Variants in LGR6 observed in about 807,000 individuals in gnomAD.
The protein encoded by LGR6 is leucine rich repeat containing G protein-coupled receptor 6.
Under a neutral mutation model 69.4 loss-of-function variants are expected in LGR6, and 45 were observed. The observed-to-expected ratio is 0.65, with a 90% CI of 0.51 to 0.83. The LOEUF is 0.83. Among genes scored for constraint, LGR6 ranks in the 40% least tolerant of loss-of-function variants. The probability of loss-of-function intolerance (pLI) is 0.00; values close to 1 mark genes in which losing one functional copy is unlikely to be tolerated. For missense variants in LGR6, 1,108 were observed against 1,246.7 expected (o/e 0.89, Z 1.68); for synonymous variants, 538 against 555.0 (o/e 0.97, Z 0.43).
chr1:202,215,005 G>GTC (rs1659671642), intron 1 of LGR6, among the ~76,000 whole-genome samples: 1 of 149,388 alleles, frequency 6.7e-6, no homozygotes, highest in African/African-American at 2.5e-5. Context: ...GTGTGTGTGT[G>GTC]TGTGTGTGTG....
At chr1:202,283,831 G>A (rs1224644151) in intron 6 of LGR6, among the ~76,000 whole-genome samples, 1 of 152,158 alleles carries the variant, frequency 6.6e-6, no homozygotes, top group African/African-American at 2.4e-5. Context: ...AAATGCACCT[G>A]CAGCAACACA....
intron 1 of LGR6, among the ~76,000 whole-genome samples, chr1:202,215,405 G>A (rs897593714): frequency 9.9e-5 from 15 of 152,154 alleles, no homozygotes; most frequent in Admixed American, 9.8e-4. Flanking sequence ...GGAGAGGTCT[G>A]ATCTAATAGG....
chr1:202,293,515 A>T (rs536358640), intron 6 of LGR6, among the ~76,000 whole-genome samples: 3 of 150,946 alleles, frequency 2.0e-5, no homozygotes, highest in African/African-American at 7.3e-5. Context: ...TTTTTTTTTT[A>T]AACCCATCTC....
In LGR6 at chr1:202,318,850, G is replaced by A; in HGVS notation, c.2547G>A (p.Gly849=). 1.2e-6 allele frequency: 2 copies of A among 1,613,460 alleles called. No homozygotes were observed. Among genetic ancestry groups the A allele is most frequent in the African/African-American group, 2.7e-5 (2 of 75,064 alleles). The change falls in exon 18 of 18, where the codon GGG becomes GGA. Residue 849 remains glycine (G), a synonymous_variant. Transcript: ENST00000367278. ...RRLRPRAGDS[G]PLAYAAAGEL... ...TTCGGCCCCGCGCAGGGGACTCAGG[G>A]CCCCTAGCCTATGCTGCGGCCGGGG... is the stretch of plus-strand genomic sequence containing the variant.
chr1:202,245,799 A>G (rs1662612575), intron 4 of LGR6, among the ~76,000 whole-genome samples: 1 of 151,996 alleles, frequency 6.6e-6, no homozygotes, highest in Non-Finnish European at 1.5e-5. Flanking sequence ...TTCCTCTTGT[A>G]TTATTGCCCC....
chr1:202,264,580 G>A (rs894172277), intron 4 of LGR6, among the ~76,000 whole-genome samples: 3 of 152,230 alleles, frequency 2.0e-5, no homozygotes, highest in Non-Finnish European at 4.4e-5. Flanking sequence ...AATGGCTGGA[G>A]GCTGGGGGAT....
At chr1:202,266,637 C>T (rs1373035528) in intron 4 of LGR6, among the ~76,000 whole-genome samples, 1 of 152,210 alleles carries the variant, frequency 6.6e-6, no homozygotes, top group Non-Finnish European at 1.5e-5. Flanking sequence ...CTGCTCAGCA[C>T]AGATGAGTTG....
chr1:202,207,674 C>T (rs978193471), intron 1 of LGR6, among the ~76,000 whole-genome samples: 9 of 152,190 alleles, frequency 5.9e-5, no homozygotes, highest in African/African-American at 2.2e-4. Flanking sequence ...CAGATTCTGG[C>T]TCTGCCTTTT....
chr1:202,194,154 C>T lies in LGR6; in HGVS notation c.165C>T (p.Leu55=). The T allele has an allele frequency of 1.9e-6, 3 of 1,575,056 alleles. No individual in the cohort carries two copies. The highest frequency in any genetic ancestry group is 2.6e-6 in the Non-Finnish European group (3 of 1,169,576). ...GIMLSADCSE[L]GLSAVPGDLD... Reference sequence around the variant, plus strand: ...TGCTGTCTGCCGACTGCTCTGAGCTCGGGCTGTCCGCCGTTCCGGGGGACC... The same window carrying T: ...TGCTGTCTGCCGACTGCTCTGAGCTTGGGCTGTCCGCCGTTCCGGGGGACC... The change falls in exon 1 of 18, where the codon CTC becomes CTT. Residue 55 remains leucine (L), a synonymous_variant. Coordinates refer to ENST00000367278, the MANE Select transcript of LGR6 (RefSeq NM_001017403.2).
rs373184201 is a variant in LGR6, at chr1:202,225,441, C to T, written c.231C>T (p.Asn77=). 1.2e-6 allele frequency: 2 copies of T among 1,613,854 alleles called. No homozygotes were observed. The highest frequency in any genetic ancestry group is 2.7e-5 in the African/African-American group (2 of 74,928). ...CCACCAGGGACCTCAGCATGAACAA[C>T]CTCACAGAGCTTCAGCCTGGCCTCT... The part of the protein sequence containing the change: ...LTAYLDLSMN[N]LTELQPGLFH... The change falls in exon 2 of 18, where the codon AAC becomes AAT. Residue 77 remains asparagine (N), a synonymous_variant. Coordinates refer to ENST00000367278, the MANE Select transcript of LGR6 (RefSeq NM_001017403.2).
intron 2 of LGR6, among the ~76,000 whole-genome samples, chr1:202,226,257 T>C (rs962841915): frequency 6.6e-6 from 1 of 152,168 alleles, no homozygotes; most frequent in Non-Finnish European, 1.5e-5. Flanking sequence ...GCTCTGTATT[T>C]CCAACACCTC....
intron 4 of LGR6, among the ~76,000 whole-genome samples, chr1:202,253,524 C>T (rs946537743): frequency 1.6e-4 from 24 of 151,356 alleles, no homozygotes; most frequent in Admixed American, 1.3e-3. Context: ...AGGCTGGTCT[C>T]GAACTCATGA....
chr1:202,236,056 G>T, intron 4 of LGR6, 63 bp downstream of exon 4: 1 of 1,408,692 alleles, frequency 7.1e-7, no homozygotes. Context: ...CACAGCCCAG[G>T]GCCCCCTGCC....
chr1:202,208,243 G>C (rs12023446), intron 1 of LGR6, among the ~76,000 whole-genome samples: 2 of 152,034 alleles, frequency 1.3e-5, no homozygotes, highest in African/African-American at 4.8e-5. Context: ...GGGCTAGGAC[G>C]CTGTCTTTGC....
intron 1 of LGR6, among the ~76,000 whole-genome samples, chr1:202,209,832 C>G (rs1571814986): frequency 6.6e-6 from 1 of 152,190 alleles, no homozygotes; most frequent in East Asian, 1.9e-4. Flanking sequence ...TTGCCAAGCA[C>G]TGCCTCAAGC....
chr1:202,199,041 C>T (rs1244748416), intron 1 of LGR6, among the ~76,000 whole-genome samples: 1 of 152,090 alleles, frequency 6.6e-6, no homozygotes, highest in East Asian at 1.9e-4. Context: ...AGACCCTGTG[C>T]AAGTCCCAAA....
intron 6 of LGR6, among the ~76,000 whole-genome samples, chr1:202,293,554 C>A (rs549962835): frequency 6.6e-6 from 1 of 151,960 alleles, no homozygotes; most frequent in East Asian, 1.9e-4. Flanking sequence ...CAGCAGAATT[C>A]TTTGTGTATT....
At chr1:202,233,994 T>A (rs1661309727) in intron 3 of LGR6, among the ~76,000 whole-genome samples, 1 of 152,218 alleles carries the variant, frequency 6.6e-6, no homozygotes, top group Non-Finnish European at 1.5e-5. Flanking sequence ...ACAACTATAC[T>A]GTAAGGAAGC....
chr1:202,220,604 T>G (rs1327753175), intron 1 of LGR6, among the ~76,000 whole-genome samples: 1 of 152,208 alleles, frequency 6.6e-6, no homozygotes, highest in Non-Finnish European at 1.5e-5. Flanking sequence ...GGAAGTGACA[T>G]GACCAGGGTC....
Sources: allele counts gnomAD v4.1 joint callset (sites outside exome capture counted in the v4.1 genomes callset), GRCh38; gene constraint gnomAD v4.1.1; transcripts MANE v1.5; gene names NCBI Gene and HGNC (gene_info 2026-07-23, HGNC 2026-07-21).